UGCG: variants seen among roughly 807,000 people sequenced by gnomAD.
The protein encoded by UGCG is ceramide glucosyltransferase.
A neutral mutation model predicts 49.5 loss-of-function variants in UGCG; 10 were observed. The observed-to-expected ratio is 0.20, with a 90% CI of 0.12 to 0.34. The LOEUF (loss-of-function observed/expected upper bound fraction) is 0.34, where lower values mean the gene tolerates loss of function less well. Among genes scored for constraint, UGCG ranks in the 10% least tolerant of loss-of-function variants. The pLI is 1.00. For missense variants in UGCG, 312 were observed against 483.7 expected (o/e 0.65, Z 3.33); for synonymous variants, 182 against 158.2 (o/e 1.15, Z -1.13).
chr9:111,909,731 G>A (rs182089253), intron 1 of UGCG, among the ~76,000 whole-genome samples: 45 of 152,230 alleles, frequency 3.0e-4, no homozygotes, highest in Non-Finnish European at 5.0e-4. Flanking sequence ...TTTATTTGGT[G>A]ACTTAATGGA....
At chr9:111,908,786 A>G (rs1837939989) in intron 1 of UGCG, among the ~76,000 whole-genome samples, 1 of 152,182 alleles carries the variant, frequency 6.6e-6, no homozygotes, top group South Asian at 2.1e-4. Context: ...AAATGCAGAA[A>G]CCCTGATCTG....
In UGCG at chr9:111,934,254, A is replaced by G. The variant is rs959573634; in HGVS notation, c.*1257A>G. The G allele has an allele frequency of 2.0e-5, 3 of 151,770 alleles. No homozygotes were observed. Among genetic ancestry groups the G allele is most frequent in the Non-Finnish European group, 2.9e-5 (2 of 67,984 alleles). 9.4% of individuals were successfully genotyped at this position (151,770 alleles called of 1,614,324 possible). On this transcript the variant is annotated 3_prime_UTR_variant, in exon 9 of 9. Transcript: ENST00000374279. ...CTAGATCAGCGCTGGTTGTAAATGC[A>G]TGCTGTACCTCACTGTTTTCTCCCC...
At position 111,930,394 on chromosome 9, in the gene UGCG, C is replaced by T. The variant is rs182696793; in HGVS notation, c.737+716C>T. On this transcript the variant is annotated intron_variant, in intron 6 of 8. Coordinates refer to ENST00000374279, the MANE Select transcript of UGCG (RefSeq NM_003358.3). ...AAATTTGTCAGTGAATTATATGATA[C>T]TTTGCTAAGAAGCCACTGAAAGATT... 1.7e-3 allele frequency among the ~76,000 whole-genome samples: 255 copies of T among 151,682 alleles called. 2 individuals are homozygous for T. The highest frequency in any genetic ancestry group is 2.0e-3 in the Non-Finnish European group (139 of 67,954).
At chr9:111,911,791 G>A (rs781574434) in intron 1 of UGCG, among the ~76,000 whole-genome samples, 5 of 150,874 alleles carry the variant, frequency 3.3e-5, no homozygotes, top group African/African-American at 4.9e-5. Flanking sequence ...CCTAGCTACT[G>A]GGGAGGCTAA....
chr9:111,902,668 C>T lies in UGCG; in HGVS notation c.98+5355C>T, dbSNP rs1837798721. 2.0e-5 allele frequency among the ~76,000 whole-genome samples: 3 copies of T among 152,168 alleles called. No homozygotes were observed. In the South Asian group the frequency reaches 6.2e-4, roughly 31 times the overall value. ...CCTAGAGTCAGATAAATTGGTTCAG[C>T]AGAACCACACAGCGGAATTATAAAA... On this transcript the variant is annotated intron_variant, in intron 1 of 8. Transcript: ENST00000374279.
At chr9:111,916,932 G>T (rs1389350860) in intron 2 of UGCG, among the ~76,000 whole-genome samples, 1 of 151,448 alleles carries the variant, frequency 6.6e-6, no homozygotes, top group Non-Finnish European at 1.5e-5. Flanking sequence ...ATTGCTTGAG[G>T]CCAGGTGTTC....
Position 111,896,983 on chromosome 9 carries a change from A to G in UGCG, c.-233A>G, listed in dbSNP as rs1427543408. 6 of 226,148 alleles carry G rather than the reference A, an allele frequency of 2.7e-5. No homozygotes were observed. The highest frequency in any genetic ancestry group is 9.0e-5 in the East Asian group (1 of 11,166). 14.0% of individuals were successfully genotyped at this position (226,148 alleles called of 1,614,324 possible). A position where few individuals can be genotyped will look rare whatever the true frequency, so the allele number is the denominator to read the frequency against. ...CCGACCAGAGCCGGGAGACCGCAGCACCCGCAGCCGCCCGCGAGCGCGCCG... is the reference window on the plus strand; with the variant it reads ...CCGACCAGAGCCGGGAGACCGCAGCGCCCGCAGCCGCCCGCGAGCGCGCCG... On this transcript the variant is annotated 5_prime_UTR_variant, in exon 1 of 9. Coordinates refer to ENST00000374279, the MANE Select transcript of UGCG (RefSeq NM_003358.3).
Position 111,934,250 on chromosome 9 carries a change from A to G in UGCG, c.*1253A>G, listed in dbSNP as rs1383887968. 6.6e-6 allele frequency: 1 copy of G among 152,020 alleles called. No homozygotes were observed. The highest frequency in any genetic ancestry group is 2.4e-5 in the African/African-American group (1 of 41,358). The allele number at this position is 152,020 out of a possible 1,614,324, so 9.4% of individuals were successfully genotyped here. On this transcript the variant is annotated 3_prime_UTR_variant, in exon 9 of 9. Coordinates refer to ENST00000374279, the MANE Select transcript of UGCG (RefSeq NM_003358.3). ...TAGACTAGATCAGCGCTGGTTGTAAATGCATGCTGTACCTCACTGTTTTCT... is the reference window on the plus strand; with the variant it reads ...TAGACTAGATCAGCGCTGGTTGTAAGTGCATGCTGTACCTCACTGTTTTCT...
intron 1 of UGCG, among the ~76,000 whole-genome samples, chr9:111,906,984 G>C (rs1589518838): frequency 6.6e-6 from 1 of 152,322 alleles, no homozygotes; most frequent in East Asian, 1.9e-4. Context: ...TCTTAAAGCA[G>C]TGCTGCTCAA....
intron 1 of UGCG, among the ~76,000 whole-genome samples, chr9:111,904,481 G>A (rs1309671133): frequency 1.3e-5 from 2 of 152,178 alleles, no homozygotes; most frequent in African/African-American, 4.8e-5. Context: ...ATCCCATCAT[G>A]CCTTAAATTA....
At chr9:111,923,131 TATCTG>T (rs1230982580) in intron 3 of UGCG, among the ~76,000 whole-genome samples, 180 bp downstream of exon 3, 2 of 152,104 alleles carry the variant, frequency 1.3e-5, no homozygotes, top group Non-Finnish European at 2.9e-5. Context: ...TTTTTTTTCA[TATCTG>T]AGATGAACAA....
chr9:111,915,197 C>A (rs1432083206), intron 2 of UGCG, among the ~76,000 whole-genome samples: 1 of 152,146 alleles, frequency 6.6e-6, no homozygotes, highest in Non-Finnish European at 1.5e-5. Flanking sequence ...GTTAGTGGTA[C>A]TGTAGGGTTT....
At position 111,929,596 on chromosome 9, in the gene UGCG, G is replaced by A. The variant is rs1838384650; in HGVS notation, c.655G>A (p.Val219Met). 1 of 1,613,990 alleles carries A rather than the reference G, an allele frequency of 6.2e-7. No homozygotes were observed. Among genetic ancestry groups the A allele is most frequent in the African/African-American group, 1.3e-5 (1 of 74,924 alleles). Residue 219 changes from valine (V) to methionine (M), a missense_variant, in exon 6 of 9, where the codon GTG (valine) becomes ATG (methionine). Around this residue, in one of 4 missense-constraint regions of UGCG, gnomAD observed 180 missense variants for 320.4 expected, o/e 0.56. Transcript: ENST00000374279. ...TGMSCLMRKD[V>M]LDQAGGLIAF... is the part of the protein sequence containing the mutation. ...AATGTCTTGTTTAATGAGAAAAGATGTGTTGGATCAAGCAGGAGGACTTAT... is the reference window on the plus strand; with the variant it reads ...AATGTCTTGTTTAATGAGAAAAGATATGTTGGATCAAGCAGGAGGACTTAT...
intron 2 of UGCG, among the ~76,000 whole-genome samples, chr9:111,921,802 ATTTTTTTTT>A (rs71373800): frequency 0.023 from 1,286 of 55,548 alleles, 65 homozygotes; most frequent in African/African-American, 0.078. Flanking sequence ...CCCCAGGGTG[ATTTTTTTTT>A]TTTTTTTTTT....
intron 5 of UGCG, 87 bp from the exon 6 acceptor site, chr9:111,929,413 T>C (rs1408808104): frequency 2.9e-6 from 4 of 1,380,514 alleles, no homozygotes; most frequent in Non-Finnish European, 2.9e-6. Flanking sequence ...ATCATACTTA[T>C]AAAAAAACCA....
chr9:111,926,185 C>T (rs926868361), intron 4 of UGCG, among the ~76,000 whole-genome samples, 199 bp from the exon 5 acceptor site: 2 of 152,140 alleles, frequency 1.3e-5, no homozygotes, highest in African/African-American at 2.4e-5. Flanking sequence ...AATTAGCTTT[C>T]GAGAATTAGG....
intron 1 of UGCG, among the ~76,000 whole-genome samples, chr9:111,907,705 A>G (rs1589519146): frequency 6.6e-6 from 1 of 150,560 alleles, no homozygotes; most frequent in Admixed American, 6.6e-5. Flanking sequence ...GCTCACTGCA[A>G]CCTCCGCCTC....
At chr9:111,919,309 G>A (rs923048112) in intron 2 of UGCG, among the ~76,000 whole-genome samples, 3 of 151,840 alleles carry the variant, frequency 2.0e-5, no homozygotes, top group Admixed American at 6.6e-5. Flanking sequence ...AGACCAGCTC[G>A]TCGTCTGTAC....
rs1838480008 is a variant in UGCG at position 111,934,418 on chromosome 9, G to A, written c.*1421G>A. ...ATAAGCCTTTTCTTTGTTAAGTAGTGGTGTTTTGCTTTTTCTTCAGGATTG... is the reference window on the plus strand; with the variant it reads ...ATAAGCCTTTTCTTTGTTAAGTAGTAGTGTTTTGCTTTTTCTTCAGGATTG... On this transcript the variant is annotated 3_prime_UTR_variant, in exon 9 of 9. Transcript: ENST00000374279. The A allele has an allele frequency of 6.6e-6, 1 of 151,752 alleles. No individual in the cohort carries two copies. 9.4% of individuals were successfully genotyped at this position (151,752 alleles called of 1,614,324 possible). A position where few individuals can be genotyped will look rare whatever the true frequency, so the allele number is the denominator to read the frequency against.
Sources: gnomAD v4.1 joint callset for allele counts (sites outside exome capture counted in the v4.1 genomes callset) on GRCh38, gnomAD v4.1.1 for gene constraint, gnomAD v4.1.1 regional missense constraint, MANE v1.5 for transcripts, NCBI Gene and HGNC (gene_info 2026-07-23, HGNC 2026-07-21) for gene names.